DCHS2: variants seen among roughly 807,000 people sequenced by gnomAD.
The protein encoded by DCHS2 is dachsous cadherin-related 2, also known as protocadherin-23.
In DCHS2, 142 loss-of-function variants were observed where a neutral mutation model predicts 182.4. The ratio of observed to expected loss-of-function variants is 0.78; its 90% CI spans 0.68 to 0.89. The LOEUF is 0.89. Among genes scored for constraint, DCHS2 ranks in the 40% least tolerant of loss-of-function variants. The pLI is 0.00. For missense variants in DCHS2, 4,319 were observed against 4,198.6 expected (o/e 1.03, Z -0.79); for synonymous variants, 1,740 against 1,663.3 (o/e 1.05, Z -1.12).
chr4:154,422,161 G>C (rs1278757799), intron 1 of DCHS2, among the ~76,000 whole-genome samples: 1 of 152,148 alleles, frequency 6.6e-6, no homozygotes, highest in Admixed American at 6.5e-5. Context: ...CTCCAAGGTG[G>C]GGTCTTCAAT....
At chr4:154,442,541 C>CCCA (rs1553953001) in intron 1 of DCHS2, among the ~76,000 whole-genome samples, 4 of 50,326 alleles carry the variant, frequency 7.9e-5, no homozygotes, top group African/African-American at 1.9e-4. Context: ...CCCCCCCCCC[C>CCCA]CACACACACA....
At chr4:154,359,525 C>T (rs1053720148) in intron 3 of DCHS2, among the ~76,000 whole-genome samples, 12 of 151,794 alleles carry the variant, frequency 7.9e-5, no homozygotes, top group African/African-American at 1.7e-4. Context: ...TCAACAGATA[C>T]GGAGTTTAAA....
chr4:154,348,650 A>G (rs1039191011), intron 3 of DCHS2, among the ~76,000 whole-genome samples: 1 of 151,966 alleles, frequency 6.6e-6, no homozygotes, highest in Non-Finnish European at 1.5e-5. Flanking sequence ...AAGGACATGC[A>G]AAAATGGAAA....
At chr4:154,468,575 T>TG (rs1386829224) in intron 1 of DCHS2, among the ~76,000 whole-genome samples, 6 of 152,212 alleles carry the variant, frequency 3.9e-5, no homozygotes, top group Non-Finnish European at 8.8e-5. Context: ...GATATCATGT[T>TG]AATTTATGTT....
intron 2 of DCHS2, among the ~76,000 whole-genome samples, chr4:154,367,525 G>A (rs1384802300): frequency 6.6e-6 from 1 of 152,114 alleles, no homozygotes; most frequent in African/African-American, 2.4e-5. Context: ...AAATCAAGGA[G>A]AAAGAGAGCA....
intron 1 of DCHS2, among the ~76,000 whole-genome samples, chr4:154,385,193 A>G (rs1314520828): frequency 2.0e-5 from 3 of 150,076 alleles, no homozygotes; most frequent in Non-Finnish European, 4.4e-5. Context: ...TTGTCCTTGC[A>G]ATAGTTTGCT....
At chr4:154,411,716 C>G (rs761311856) in intron 1 of DCHS2, among the ~76,000 whole-genome samples, 1 of 152,148 alleles carries the variant, frequency 6.6e-6, no homozygotes, top group Non-Finnish European at 1.5e-5. Context: ...TATAGCTGCT[C>G]TTGCCACCAG....
chr4:154,306,506 A>G (rs1228178065), intron 10 of DCHS2, among the ~76,000 whole-genome samples: 5 of 152,120 alleles, frequency 3.3e-5, no homozygotes, highest in African/African-American at 1.2e-4. Flanking sequence ...CATTATAAAA[A>G]TGGGAACAAT....
chr4:154,483,591 A>G (rs1192532212), intron 1 of DCHS2, among the ~76,000 whole-genome samples: 4 of 152,196 alleles, frequency 2.6e-5, no homozygotes, highest in Admixed American at 1.3e-4. Context: ...GATGGTCCAT[A>G]GGAAACAGGA....
chr4:154,235,734 G>C lies in DCHS2; in HGVS notation c.8918C>G (p.Thr2973Ser). Residue 2973 changes from threonine (T) to serine (S), a missense_variant, in exon 20 of 20, where the codon ACT (threonine) becomes AGT (serine). Coordinates refer to ENST00000357232, the MANE Select transcript of DCHS2 (RefSeq NM_001358235.2). Reference protein sequence around the residue: ...PKSDSKFASCTVFVNVSFSSE... With the variant: ...PKSDSKFASCSVFVNVSFSSE... Reference sequence around the variant, plus strand: ...GGAGAAAGACACATTCACAAAAACAGTGCAAGATGCAAACTTGGAATCTGA... The same window carrying C: ...GGAGAAAGACACATTCACAAAAACACTGCAAGATGCAAACTTGGAATCTGA... 2 of 1,614,104 alleles carry C rather than the reference G, an allele frequency of 1.2e-6. No homozygotes were observed. The highest frequency in any genetic ancestry group is 1.7e-6 in the Non-Finnish European group (2 of 1,179,986).
intron 1 of DCHS2, among the ~76,000 whole-genome samples, chr4:154,397,131 C>T (rs565480459): frequency 2.0e-5 from 3 of 152,240 alleles, no homozygotes; most frequent in South Asian, 2.1e-4. Context: ...AAAAGGACAC[C>T]GCACTAATCT....
chr4:154,376,991 A>G (rs1730930494), intron 2 of DCHS2, among the ~76,000 whole-genome samples: 1 of 152,202 alleles, frequency 6.6e-6, no homozygotes, highest in South Asian at 2.1e-4. Flanking sequence ...TAACATAGAA[A>G]GGATATAAGA....
chr4:154,358,439 C>T (rs544696477), intron 3 of DCHS2, among the ~76,000 whole-genome samples: 1 of 152,290 alleles, frequency 6.6e-6, no homozygotes, highest in African/African-American at 2.4e-5. Context: ...GAAAGAAATA[C>T]AGGCACCTTC....
chr4:154,377,258 C>T lies in DCHS2; in HGVS notation c.2239G>A (p.Asp747Asn). The T allele has an allele frequency of 6.2e-7, 1 of 1,613,056 alleles. No homozygotes were observed. The highest frequency in any genetic ancestry group is 8.5e-7 in the Non-Finnish European group (1 of 1,179,486). Residue 747 changes from aspartate to asparagine, a missense_variant, in exon 2 of 20, where the codon GAT (aspartate) becomes AAT (asparagine). Coordinates refer to ENST00000357232, the MANE Select transcript of DCHS2 (RefSeq NM_001358235.2). ...CTTCATACATAAAAACTTACCCCAT[C>T]CTTAGCTTCCACCAGGAGATCATAG... Reference protein sequence around the residue: ...ATYDLLVEAKDGGGLSAQAFV... With the variant: ...ATYDLLVEAKNGGGLSAQAFV...
At chr4:154,450,103 C>T (rs912054114) in intron 1 of DCHS2, among the ~76,000 whole-genome samples, 2 of 152,132 alleles carry the variant, frequency 1.3e-5, no homozygotes, top group African/African-American at 4.8e-5. Flanking sequence ...GGAGCCGACC[C>T]CTGGGAGAAG....
intron 1 of DCHS2, among the ~76,000 whole-genome samples, chr4:154,484,531 T>C (rs1384745490): frequency 1.3e-5 from 2 of 152,228 alleles, no homozygotes; most frequent in Non-Finnish European, 2.9e-5. Flanking sequence ...CCTATCCCCA[T>C]GGATTACATA....
At chr4:154,253,790 T>C (rs1390054118) in intron 16 of DCHS2, among the ~76,000 whole-genome samples, 1 of 152,214 alleles carries the variant, frequency 6.6e-6, no homozygotes, top group South Asian at 2.1e-4. Flanking sequence ...AGAGGGTAAT[T>C]AATCCAATAT....
At position 154,332,588 on chromosome 4, in the gene DCHS2, T is replaced by C; in HGVS notation, c.3620A>G (p.Gln1207Arg). The change falls in exon 5 of 20, where the codon CAA (glutamine) becomes CGA (arginine). Residue 1207 changes from glutamine to arginine, a missense_variant. Transcript: ENST00000357232. Reference sequence around the variant, plus strand: ...AGCTGTAATTTTGCCTATTACCCCTTGGGGAACAGGGCTCTCTTCGACTTT... The same window carrying C: ...AGCTGTAATTTTGCCTATTACCCCTCGGGGAACAGGGCTCTCTTCGACTTT... Reference protein sequence around the residue: ...FLKVEESPVPQGVIGKITAID... With the variant: ...FLKVEESPVPRGVIGKITAID... The C allele has an allele frequency of 3.1e-6, 5 of 1,614,162 alleles. No homozygotes were observed. Among genetic ancestry groups the C allele is most frequent in the Non-Finnish European group, 4.2e-6 (5 of 1,179,994 alleles).
Position 154,320,576 on chromosome 4 carries a change from A to G in DCHS2, c.4823T>C (p.Ile1608Thr), listed in dbSNP as rs777989622. Residue 1608 changes from isoleucine (I) to threonine (T), a missense_variant, in exon 9 of 20, where the codon ATA becomes ACA. Physicochemically the swap from Ile to Thr is moderately conservative, Grantham distance 89. Coordinates refer to ENST00000357232, the MANE Select transcript of DCHS2 (RefSeq NM_001358235.2). ...GTGGTCATTTACATCCAAAATCACT[A>G]TTTGTGCTGTCAGTGATCTCAGTCG... ...DRRLRSLTAQ[I>T]VILDVNDHNP... is the part of the protein sequence containing the mutation. 9.3e-6 allele frequency: 15 copies of G among 1,614,074 alleles called. No homozygotes were observed. The highest frequency in any genetic ancestry group is 1.6e-4 in the Middle Eastern group (1 of 6,062).
Sources: allele counts gnomAD v4.1 joint callset (sites outside exome capture counted in the v4.1 genomes callset), GRCh38; gene constraint gnomAD v4.1.1; transcripts MANE v1.5; gene names NCBI Gene and HGNC (gene_info 2026-07-23, HGNC 2026-07-21).